Variants in NXN observed in about 807,000 individuals in gnomAD.
NXN encodes nucleoredoxin, also known as nucleoredoxin 1.
In NXN, 16 loss-of-function variants were observed where a neutral mutation model predicts 48.6. The ratio of observed to expected loss-of-function variants is 0.33; its 90% CI spans 0.22 to 0.50. The LOEUF is 0.50. Among genes scored for constraint, NXN ranks in the 20% least tolerant of loss-of-function variants. The pLI is 0.98. For missense variants in NXN, 492 were observed against 605.5 expected (o/e 0.81, Z 1.97); for synonymous variants, 281 against 269.6 (o/e 1.04, Z -0.41).
intron 1 of NXN, among the ~76,000 whole-genome samples, chr17:875,590 G>A (rs1386053075): frequency 6.6e-6 from 1 of 151,754 alleles, no homozygotes; most frequent in Non-Finnish European, 1.5e-5. Flanking sequence ...TGTTGTTTTG[G>A]TTGTGGTGTT....
At chr17:806,780 C>T (rs945247307) in intron 5 of NXN, among the ~76,000 whole-genome samples, 8 of 152,156 alleles carry the variant, frequency 5.3e-5, no homozygotes, top group East Asian at 1.9e-4. Flanking sequence ...CCACCAGCAC[C>T]GCGGGCGTGC....
At chr17:915,571 C>A (rs1170134544) in intron 1 of NXN, among the ~76,000 whole-genome samples, 1 of 152,182 alleles carries the variant, frequency 6.6e-6, no homozygotes, top group East Asian at 1.9e-4. Flanking sequence ...AGATATAAGA[C>A]ACCACACCTG....
chr17:901,077 C>G (rs944774025), intron 1 of NXN, among the ~76,000 whole-genome samples: 6 of 152,094 alleles, frequency 3.9e-5, no homozygotes, highest in Non-Finnish European at 7.4e-5. Context: ...TCCACCACCA[C>G]GCCTGGCTAA....
rs1297814411 is a variant in NXN, at chr17:917,171, T to C, written c.360+62148A>G. The stretch of plus-strand genomic sequence containing the variant: ...CGCCTGAGCTCACATCTTTTTTTTT[T>C]TTTTCTGTAGCCCAGGCTGGAGTGC... On this transcript the variant is annotated intron_variant, in intron 1 of 7. Coordinates refer to ENST00000336868, the MANE Select transcript of NXN (RefSeq NM_022463.5). The surrounding 1 kb of genome is among the most constrained non-coding windows in gnomAD (Gnocchi z 4.5). Among the ~76,000 whole-genome samples, 1 of 151,978 alleles carries C rather than the reference T, an allele frequency of 6.6e-6. No homozygotes were observed. Among genetic ancestry groups the C allele is most frequent in the Non-Finnish European group, 1.5e-5 (1 of 67,984 alleles).
At chr17:955,885 G>C (rs1294235534) in intron 1 of NXN, among the ~76,000 whole-genome samples, 4 of 150,284 alleles carry the variant, frequency 2.7e-5, no homozygotes, top group East Asian at 2.0e-4. Context: ...CTGGGCGACA[G>C]AGCGAGACTC....
At chr17:971,594 C>G (rs1478899853) in intron 1 of NXN, among the ~76,000 whole-genome samples, 1 of 151,744 alleles carries the variant, frequency 6.6e-6, no homozygotes, top group Non-Finnish European at 1.5e-5. Context: ...CCTGTGGTCC[C>G]AGCTCCTCGG....
chr17:940,658 C>T (rs2068962249), intron 1 of NXN, among the ~76,000 whole-genome samples: 2 of 151,998 alleles, frequency 1.3e-5, no homozygotes, highest in South Asian at 2.1e-4. Flanking sequence ...ACTCACATCA[C>T]ACCTTCCTGG....
intron 3 of NXN, among the ~76,000 whole-genome samples, chr17:823,334 G>C (rs1912919114): frequency 6.6e-6 from 1 of 151,886 alleles, no homozygotes; most frequent in South Asian, 2.1e-4. Context: ...AGGAGGCAAA[G>C]GTTGCAGTGA....
In NXN at chr17:978,825, G is replaced by A. The variant is rs1169339847; in HGVS notation, c.360+494C>T. Among the ~76,000 whole-genome samples the A allele has an allele frequency of 6.6e-6, 1 of 151,904 alleles. No homozygotes were observed. Among genetic ancestry groups the A allele is most frequent in the African/African-American group, 2.4e-5 (1 of 41,344 alleles). ...CGCGCTGGTTTGGGCGCCACGGGCG[G>A]GGGGCGTGCGCCCTCCCCTCCCCTC... On this transcript the variant is annotated intron_variant, in intron 1 of 7. Coordinates refer to ENST00000336868, the MANE Select transcript of NXN (RefSeq NM_022463.5). This position sits in a 1 kb window ranked among gnomAD's most constrained non-coding sequence, Gnocchi z 4.1.
rs186117619 is a variant in NXN, at chr17:971,603, G to A, written c.360+7716C>T. ...CGGGCACCTGTGGTCCCAGCTCCTC[G>A]GGAGGCTGCGGCAGGAGAATGGCGT... On this transcript the variant is annotated intron_variant, in intron 1 of 7. Coordinates refer to ENST00000336868, the MANE Select transcript of NXN (RefSeq NM_022463.5). Among the ~76,000 whole-genome samples the A allele has an allele frequency of 8.5e-4, 129 of 151,946 alleles. 1 individual carries two copies. In the Middle Eastern group the frequency reaches 0.017, roughly 20 times the overall value.
intron 1 of NXN, among the ~76,000 whole-genome samples, chr17:841,448 C>CCGACCACAGCGCA (rs1567827521): frequency 5.4e-5 from 7 of 129,318 alleles, no homozygotes; most frequent in Middle Eastern, 4.2e-3. Context: ...GCAGGTCCCC[C>CCGACCACAGCGCA]TGACCACGGC....
At position 946,856 on chromosome 17, in the gene NXN, T is replaced by C. The variant is rs370819424; in HGVS notation, c.360+32463A>G. Among the ~76,000 whole-genome samples the C allele has an allele frequency of 5.9e-5, 9 of 152,294 alleles. No homozygotes were observed. The East Asian group carries it at 1.2e-3, about 20-fold the overall frequency. ...ATGAAATGAGGCAATGCCTAGAAGG[T>C]GTCTCCACTGCAGTCCCTGGCACGG... On this transcript the variant is annotated intron_variant, in intron 1 of 7. Coordinates refer to ENST00000336868, the MANE Select transcript of NXN (RefSeq NM_022463.5).
At chr17:801,271 G>A (rs1911189947) in intron 7 of NXN, 140 bp from the exon 8 acceptor site, 2 of 536,704 alleles carry the variant, frequency 3.7e-6, no homozygotes, top group Non-Finnish European at 2.9e-6. Flanking sequence ...CTCCCAGCCT[G>A]GGAAGGAGGG....
In NXN at chr17:821,480, G is replaced by A. The variant is rs867979656; in HGVS notation, c.713+877C>T. Among the ~76,000 whole-genome samples, 21 of 78,620 alleles carry A rather than the reference G, an allele frequency of 2.7e-4. 8 individuals are homozygous for A. Among genetic ancestry groups the A allele is most frequent in the Middle Eastern group, 0.012 (2 of 166 alleles). 51.6% of individuals were successfully genotyped at this position (78,620 alleles called of 152,430 possible). A position where few individuals can be genotyped will look rare whatever the true frequency, so the allele number is the denominator to read the frequency against. On this transcript the variant is annotated intron_variant, in intron 4 of 7. Transcript: ENST00000336868. ...GAGCTGAGATAACAGCCATCCGGCC[G>A]GGCGCGGTGGCTCATGCCTGTAATC...
rs72477055 is a variant in NXN at position 836,233 on chromosome 17, C to T, written c.361-10155G>A. Among the ~76,000 whole-genome samples the T allele has an allele frequency of 1.0e-3, 159 of 152,316 alleles. 6 individuals carry two copies. In the East Asian group the frequency reaches 0.029, roughly 28 times the overall value. ...CCGAGAGCAACATGGAATCTGCCCC[C>T]GCATGCTAAGGACCAGGTCTTGCTC... is the stretch of plus-strand genomic sequence containing the variant. On this transcript the variant is annotated intron_variant, in intron 1 of 7. Transcript: ENST00000336868.
At chr17:841,390 CGCCGGCGAGCAGGTCCCCCCTG>C (rs1914184172) in intron 1 of NXN, among the ~76,000 whole-genome samples, 2 of 111,630 alleles carry the variant, frequency 1.8e-5, no homozygotes, top group Non-Finnish European at 4.2e-5. Flanking sequence ...GTGCATCTCA[CGCCGGCGAGCAGGTCCCCCCTG>C]ACCACGGCGC....
At chr17:927,063 T>A (rs769439067) in intron 1 of NXN, among the ~76,000 whole-genome samples, 3 of 151,324 alleles carry the variant, frequency 2.0e-5, no homozygotes, top group Non-Finnish European at 3.0e-5. Flanking sequence ...CCTGTCATCC[T>A]AGCACTTTGG....
At chr17:812,890 ATGTAGGTGTGTGCATGTGTGAC>A (rs1912220444) in intron 5 of NXN, among the ~76,000 whole-genome samples, 2 of 123,442 alleles carry the variant, frequency 1.6e-5, no homozygotes, top group East Asian at 5.2e-4. Context: ...GCACATGTGA[ATGTAGGTGTGTGCATGTGTGAC>A]TGTAGGTGTG....
At chr17:955,568 C>T (rs2069157200) in intron 1 of NXN, among the ~76,000 whole-genome samples, 1 of 151,046 alleles carries the variant, frequency 6.6e-6, no homozygotes, top group Admixed American at 6.6e-5. Flanking sequence ...ATATGACTGG[C>T]CCAGCCAGAC....
Sources: allele counts gnomAD v4.1 joint callset (sites outside exome capture counted in the v4.1 genomes callset), GRCh38; gene constraint gnomAD v4.1.1; non-coding constraint Gnocchi (gnomAD v3.1); transcripts MANE v1.5; gene names NCBI Gene and HGNC (gene_info 2026-07-23, HGNC 2026-07-21).